Variants in COMMD5 observed in about 807,000 individuals in gnomAD.
The protein encoded by COMMD5 is COMM domain containing 5.
In COMMD5, 10 loss-of-function variants were observed where a neutral mutation model predicts 6.9. The observed-to-expected ratio is 1.44, with a 90% confidence interval of 0.89 to 2.45. The LOEUF is 2.45. Ranked by LOEUF, COMMD5 falls within the 30% of genes most tolerant of loss-of-function variation. The probability of loss-of-function intolerance (pLI) is 0.00; values close to 1 mark genes in which losing one functional copy is unlikely to be tolerated. For synonymous variants in COMMD5, 127 were observed against 125.3 expected, an observed-to-expected ratio of 1.01 and a Z score of -0.09; for missense variants, 234 against 287.8, an observed-to-expected ratio of 0.81 and a Z score of 1.35.
In COMMD5 at chr8:144,852,990, C is replaced by T. The variant is rs1830818567; in HGVS notation, c.-209G>A. On this transcript the variant is annotated 5_prime_UTR_variant, in exon 1 of 2. Transcript: ENST00000305103. Reference sequence around the variant, plus strand: ...CTCCCGCTGTCCGAGTCGCCCCCAGCACCTGGCGCCGGCAATCCCCGGCTG... The same window carrying T: ...CTCCCGCTGTCCGAGTCGCCCCCAGTACCTGGCGCCGGCAATCCCCGGCTG... The T allele has an allele frequency of 6.6e-6, 1 of 152,526 alleles. No individual in the cohort carries two copies. Among genetic ancestry groups the T allele is most frequent in the Admixed American group, 6.5e-5 (1 of 15,294 alleles). The allele number at this position is 152,526 out of a possible 1,614,324, so 9.4% of individuals were successfully genotyped here. A position where few individuals can be genotyped will look rare whatever the true frequency, so the allele number is the denominator to read the frequency against.
downstream of COMMD5, among the ~76,000 whole-genome samples, chr8:144,839,977 C>T (rs1028622355): frequency 2.6e-5 from 4 of 152,158 alleles, no homozygotes; most frequent in Non-Finnish European, 5.9e-5. Flanking sequence ...CTTTGTTGCC[C>T]AGGCTGGAGT....
At chr8:144,842,380 A>G (rs764312595) in intron 1 of COMMD5, 2 of 1,613,916 alleles carry the variant, frequency 1.2e-6, no homozygotes, top group South Asian at 1.1e-5. Context: ...TTTTAGGTGG[A>G]TCTCTCGCCT....
chr8:144,843,024 T>A (rs1830164847), intron 1 of COMMD5: 6 of 1,614,176 alleles, frequency 3.7e-6, no homozygotes, highest in Non-Finnish European at 5.1e-6. Context: ...GTGAAGACTG[T>A]GAGAAGATAT....
chr8:144,841,428 A>G (rs374440379), exon 2 of COMMD5: 8 of 1,614,232 alleles, frequency 5.0e-6, no homozygotes, highest in Non-Finnish European at 6.8e-6. Flanking sequence ...CCTATGGGAC[A>G]GTGGTCAGAA....
downstream of COMMD5, chr8:144,846,948 T>A (rs374964809): frequency 1.3e-5 from 2 of 152,256 alleles, no homozygotes; most frequent in African/African-American, 4.8e-5. Context: ...TCCGCCCGCC[T>A]CGGCCTCCCT....
chr8:144,845,955 G>A (rs1830491533), downstream of COMMD5: 2 of 1,535,344 alleles, frequency 1.3e-6, no homozygotes, highest in Non-Finnish European at 8.7e-7. Flanking sequence ...CACAGGGGTT[G>A]CTGTTGCTTT....
At chr8:144,841,595 T>C (rs1217103792) in exon 2 of COMMD5, 1 of 1,614,126 alleles carries the variant, frequency 6.2e-7, no homozygotes, top group Non-Finnish European at 8.5e-7. Flanking sequence ...CCCAAGACCT[T>C]CACCAAGGAC....
downstream of COMMD5, chr8:144,845,828 A>C: frequency 1.4e-6 from 1 of 726,742 alleles, no homozygotes; most frequent in Non-Finnish European, 2.2e-6. Context: ...CCCTACTCAC[A>C]CCGGAACTTC....
rs372104925 is a variant in COMMD5 at position 144,842,694 on chromosome 8, A to G, written c.*117-951T>C. ...GAGAGAAGCCCTACGAATGCCTCCA[A>G]TGCGGAAAAGCCTTCAGTATGAGCA... On this transcript the variant is annotated intron_variant and NMD_transcript_variant, in intron 1 of 1. Coordinates refer to the COMMD5 transcript ENST00000530332. 15 of 1,614,120 alleles carry G rather than the reference A, an allele frequency of 9.3e-6. No homozygotes were observed. In the African/African-American group the frequency reaches 1.7e-4, roughly 19 times the overall value.
chr8:144,853,468 G>C (rs1025029243), upstream of COMMD5: 28 of 152,232 alleles, frequency 1.8e-4, no homozygotes, highest in African/African-American at 6.5e-4. Flanking sequence ...AGCCGAGCGG[G>C]CGTCCCTGTC....
At chr8:144,841,188 T>C in exon 2 of COMMD5, 6 of 700,586 alleles carry the variant, frequency 8.6e-6, no homozygotes, top group Admixed American at 2.5e-5. Context: ...GAAACCACTT[T>C]TGAGAACTGT....
chr8:144,851,399 G>A lies in COMMD5; in HGVS notation c.-57-4C>T. On this transcript the variant is annotated splice_polypyrimidine_tract_variant and splice_region_variant and intron_variant, in intron 1 of 1. Transcript: ENST00000305103. ...GGTCGGTCCCAGATGCAGATGCCTA[G>A]AGTGGGGTGGAGGAGAGAAGACCAG... 4 of 1,539,608 alleles carry A rather than the reference G, an allele frequency of 2.6e-6. No individual in the cohort carries two copies. The South Asian group carries it at 4.9e-5, about 19-fold the overall frequency.
rs368859595 is a variant in COMMD5 at position 144,842,879 on chromosome 8, G to A, written c.*117-1136C>T. The stretch of plus-strand genomic sequence containing the variant: ...TGCAGTGAGTGTGGAAAAGCCTTCA[G>A]CCGGAGCTCATATCTTATTGAACAC... On this transcript the variant is annotated intron_variant and NMD_transcript_variant, in intron 1 of 1. Transcript: ENST00000530332. 9 of 1,614,104 alleles carry A rather than the reference G, an allele frequency of 5.6e-6. No homozygotes were observed. Among genetic ancestry groups the A allele is most frequent in the Middle Eastern group, 3.3e-4 (2 of 6,084 alleles).
chr8:144,851,416 G>A, intron 1 of COMMD5, 21 bp from the exon 2 acceptor site: 3 of 1,475,998 alleles, frequency 2.0e-6, no homozygotes, highest in Non-Finnish European at 2.8e-6. Context: ...GTGGAGGAGA[G>A]AAGACCAGTG....
intron 1 of COMMD5, chr8:144,842,334 A>G (rs778958401): frequency 2.8e-5 from 45 of 1,614,052 alleles, no homozygotes; most frequent in Non-Finnish European, 3.7e-5. Flanking sequence ...TTCACGCTGT[A>G]GAGAAACCAT....
chr8:144,849,936 G>A (rs1018961021), downstream of COMMD5, among the ~76,000 whole-genome samples: 6 of 151,854 alleles, frequency 4.0e-5, no homozygotes, highest in South Asian at 2.1e-4. Context: ...CCCCAACGTC[G>A]CCTCCCCACA....
chr8:144,849,977 C>A (rs998318164), downstream of COMMD5, among the ~76,000 whole-genome samples: 1 of 152,082 alleles, frequency 6.6e-6, no homozygotes, highest in Non-Finnish European at 1.5e-5. Flanking sequence ...TGCAGCCAGG[C>A]GGGCCTTAAG....
downstream of COMMD5, among the ~76,000 whole-genome samples, chr8:144,840,286 G>C (rs1563837564): frequency 6.6e-6 from 1 of 152,220 alleles, no homozygotes; most frequent in African/African-American, 2.4e-5. Context: ...GGTTGAAAGG[G>C]CTTCCTGCTC....
chr8:144,850,115 C>T (rs111904403), downstream of COMMD5: 1,908 of 154,242 alleles, frequency 0.012, 36 homozygotes, highest in African/African-American at 0.043. This position sits in a 1 kb window ranked among gnomAD's most constrained non-coding sequence, Gnocchi z 4.0. Context: ...AGGAAGGTCG[C>T]CCCATCAGCA....
Sources: gnomAD v4.1 joint callset for allele counts (sites outside exome capture counted in the v4.1 genomes callset) on GRCh38, gnomAD v4.1.1 for gene constraint, Gnocchi (gnomAD v3.1) non-coding constraint, MANE v1.5 for transcripts, NCBI Gene and HGNC (gene_info 2026-07-23, HGNC 2026-07-21) for gene names.